Variants in ASGR2 observed in about 807,000 individuals in gnomAD.
ASGR2 encodes C-type lectin domain family 4 member H2.
ASGR2 carries 34 observed loss-of-function variants against 32.3 expected under a neutral mutation model. That is an observed-to-expected ratio of 1.05 (90% CI 0.80 to 1.40). The LOEUF (loss-of-function observed/expected upper bound fraction) is 1.40. ASGR2 is among the 40% of genes most tolerant of loss of function. The pLI is 0.00. For missense variants in ASGR2, 385 were observed against 386.4 expected, an observed-to-expected ratio of 1.00 and a Z score of 0.03; for synonymous variants, 143 against 150.0, an observed-to-expected ratio of 0.95 and a Z score of 0.34.
intron 2 of ASGR2, 131 bp from the exon 3 acceptor site, chr17:7,109,019 T>C: frequency 2.3e-6 from 2 of 860,892 alleles, no homozygotes; most frequent in Non-Finnish European, 3.6e-6. Context: ...GGGGTCATCA[T>C]AGGCTTTGAC....
intron 8 of ASGR2, 97 bp downstream of exon 8, chr17:7,101,993 T>C: frequency 1.6e-6 from 2 of 1,277,390 alleles, no homozygotes; most frequent in South Asian, 1.3e-5. Context: ...TTGGGGAATT[T>C]GGTCCCTGAG....
Position 7,107,962 on chromosome 17 carries a change from G to A in ASGR2, c.338-55C>T. 1 of 1,602,782 alleles carries A rather than the reference G, an allele frequency of 6.2e-7. No homozygotes were observed. Among genetic ancestry groups the A allele is most frequent in the Non-Finnish European group, 8.5e-7 (1 of 1,173,412 alleles). On this transcript the variant is annotated intron_variant, in intron 4 of 8. Coordinates refer to ENST00000691900, the MANE Select transcript of ASGR2 (RefSeq NM_001201352.2). The surrounding 1 kb of genome is among the most constrained non-coding windows in gnomAD (Gnocchi z 5.0). The stretch of plus-strand genomic sequence containing the variant: ...CTGAGCCTCCCTCCGTCCTCATGCT[G>A]CTGGGGGACCGGGGGCCAGCGCCTC...
At chr17:7,111,376 G>C (rs1914591992) in intron 2 of ASGR2, among the ~76,000 whole-genome samples, 1 of 152,204 alleles carries the variant, frequency 6.6e-6, no homozygotes, top group Non-Finnish European at 1.5e-5. Flanking sequence ...AAACACACTG[G>C]CCAGGCGCCG....
intron 7 of ASGR2, among the ~76,000 whole-genome samples, chr17:7,102,886 C>T (rs1913061353): frequency 6.6e-6 from 1 of 152,204 alleles, no homozygotes; most frequent in African/African-American, 2.4e-5. Flanking sequence ...TGTGAGGAAG[C>T]AGCCCGGACA....
rs536249977 is a variant in ASGR2, at chr17:7,114,740, G to A, written c.-196C>T. On this transcript the variant is annotated 5_prime_UTR_variant, in exon 1 of 9. Transcript: ENST00000691900. The surrounding 1 kb of genome is among the most constrained non-coding windows in gnomAD (Gnocchi z 4.5). The stretch of plus-strand genomic sequence containing the variant: ...CAGGGGAGAGGAGAGTGGAGGAGGG[G>A]CTGGTCCGGGCAAGGCCTGCACTGG... 6.9e-5 allele frequency: 69 copies of A among 1,002,164 alleles called. No individual in the cohort carries two copies. In the Admixed American group the frequency reaches 9.4e-4, roughly 14 times the overall value. 62.1% of individuals were successfully genotyped at this position (1,002,164 alleles called of 1,614,324 possible). A position where few individuals can be genotyped will look rare whatever the true frequency, so the allele number is the denominator to read the frequency against.
Position 7,107,085 on chromosome 17 carries a change from TGAGAGAACCAGTAGCAGCTGCCTTG to T in ASGR2, c.538_562del (p.Gln180ThrfsTer43). 2 of 1,613,508 alleles carry T rather than the reference TGAGAGAACCAGTAGCAGCTGCCTTG, an allele frequency of 1.2e-6. No homozygotes were observed. The highest frequency in any genetic ancestry group is 1.7e-6 in the Non-Finnish European group (2 of 1,179,870). On this transcript the variant is annotated frameshift_variant, in exon 7 of 9. Coordinates refer to ENST00000691900, the MANE Select transcript of ASGR2 (RefSeq NM_001201352.2). LOFTEE classifies it high-confidence loss of function. This position sits in a 1 kb window ranked among gnomAD's most constrained non-coding sequence, Gnocchi z 5.0. ...CGCCTCAGCCCAGGCCTTCCCGGAG[TGAGAGAACCAGTAGCAGCTGCCTTG>T]GTGCTCCACCCAGTTGACGGGGCAG...
At chr17:7,110,796 C>T (rs1038590524) in intron 2 of ASGR2, among the ~76,000 whole-genome samples, 3 of 152,206 alleles carry the variant, frequency 2.0e-5, no homozygotes, top group African/African-American at 7.2e-5. Context: ...AACATGGCAG[C>T]TTTCAAGACT....
At chr17:7,102,852 G>T (rs1257485646) in intron 7 of ASGR2, among the ~76,000 whole-genome samples, 2 of 152,160 alleles carry the variant, frequency 1.3e-5, no homozygotes, top group African/African-American at 4.8e-5. Context: ...CTGACAATCG[G>T]GGCAAAATAG....
rs555112376 is a variant in ASGR2 at position 7,108,499 on chromosome 17, C to T, written c.300G>A (p.Ser100=). 1.7e-4 allele frequency: 280 copies of T among 1,609,128 alleles called. 2 individuals are homozygous for T. In the South Asian group the frequency reaches 2.7e-3, roughly 16 times the overall value. The change falls in exon 4 of 9, where the codon TCG becomes TCA. Residue 100 remains serine (S), a synonymous_variant. Transcript: ENST00000691900. This position sits in a 1 kb window ranked among gnomAD's most constrained non-coding sequence, Gnocchi z 4.9. ...SLKEAFSNFS[S]STLTEVQAIS... Reference sequence around the variant, plus strand: ...TTGCCTGGACCTCCGTCAGGGTGCTCGAGGAGAAGTTGCTGAAAGCTTCCT... The same window carrying T: ...TTGCCTGGACCTCCGTCAGGGTGCTTGAGGAGAAGTTGCTGAAAGCTTCCT...
At chr17:7,106,152 G>A (rs1243026262) in intron 7 of ASGR2, among the ~76,000 whole-genome samples, 1 of 152,104 alleles carries the variant, frequency 6.6e-6, no homozygotes, top group Non-Finnish European at 1.5e-5. Context: ...TGAAGAGATT[G>A]CAATGTACAG....
intron 2 of ASGR2, among the ~76,000 whole-genome samples, chr17:7,111,626 G>A (rs546938384): frequency 1.7e-4 from 25 of 150,570 alleles, no homozygotes; most frequent in South Asian, 6.3e-4. Flanking sequence ...ACTGCACTCC[G>A]GCCTGGGCAA....
At position 7,107,446 on chromosome 17, in the gene ASGR2, C is replaced by CCA. The variant is rs920307492; in HGVS notation, c.410-131_410-130dup. 3 of 876,256 alleles carry CCA rather than the reference C, an allele frequency of 3.4e-6. No homozygotes were observed. Among genetic ancestry groups the CCA allele is most frequent in the African/African-American group, 1.7e-5 (1 of 60,406 alleles). The allele number at this position is 876,256 out of a possible 1,614,324, so 54.3% of individuals were successfully genotyped here. The stretch of plus-strand genomic sequence containing the variant: ...TGCATAGACCACACCACACACCATA[C>CCA]CACACACACACCACAGACATGTACA... On this transcript the variant is annotated intron_variant, in intron 5 of 8. Transcript: ENST00000691900. This position sits in a 1 kb window ranked among gnomAD's most constrained non-coding sequence, Gnocchi z 5.0.
intron 7 of ASGR2, among the ~76,000 whole-genome samples, chr17:7,103,877 C>T (rs1913202706): frequency 6.6e-6 from 1 of 152,018 alleles, no homozygotes; most frequent in African/African-American, 2.4e-5. Context: ...GTGTGCTGCA[C>T]CCATTAACTC....
chr17:7,103,769 G>A (rs1234521740), intron 7 of ASGR2, among the ~76,000 whole-genome samples: 1 of 152,122 alleles, frequency 6.6e-6, no homozygotes, highest in African/African-American at 2.4e-5. Context: ...AGGGGATGTT[G>A]GAGAACAGTT....
Position 7,113,612 on chromosome 17 carries a change from TACAC to T in ASGR2, c.124+501_124+504del, listed in dbSNP as rs952085637. 2.1e-4 allele frequency among the ~76,000 whole-genome samples: 31 copies of T among 146,646 alleles called. No homozygotes were observed. Among genetic ancestry groups the T allele is most frequent in the African/African-American group, 6.1e-4 (24 of 39,190 alleles). On this transcript the variant is annotated intron_variant, in intron 2 of 8. Transcript: ENST00000691900. This position sits in a 1 kb window ranked among gnomAD's most constrained non-coding sequence, Gnocchi z 5.1. The stretch of plus-strand genomic sequence containing the variant: ...ATACACAACATACACTCGCACAACA[TACAC>T]ACATGCACAAGATACACACACAACA...
At chr17:7,112,317 A>G (rs1385622609) in intron 2 of ASGR2, among the ~76,000 whole-genome samples, 2 of 151,840 alleles carry the variant, frequency 1.3e-5, no homozygotes, top group Non-Finnish European at 2.9e-5. Flanking sequence ...GTCAGCTCCC[A>G]TGATGACGTT....
chr17:7,101,646 C>A lies in ASGR2; in HGVS notation c.850G>T (p.Asp284Tyr), dbSNP rs747959273. ...CGGTACACCTGCAGGCAGAAGTCAT[C>A]GTTCCAGCGGCCATCCGGCTGGACT... ...VEVQPDGRWN[D>Y]DFCLQVYRWV... Residue 284 changes from aspartate (D) to tyrosine (Y), a missense_variant, in exon 9 of 9, where the codon GAT (aspartate) becomes TAT (tyrosine). Transcript: ENST00000691900. 6.2e-7 allele frequency: 1 copy of A among 1,614,112 alleles called. No individual in the cohort carries two copies. The highest frequency in any genetic ancestry group is 1.3e-5 in the African/African-American group (1 of 74,936).
chr17:7,111,836 G>A (rs1407052137), intron 2 of ASGR2, among the ~76,000 whole-genome samples: 1 of 149,614 alleles, frequency 6.7e-6, no homozygotes, highest in Middle Eastern at 3.2e-3. Context: ...ACTAGTCTGG[G>A]CAGCATGGCA....
rs766808851 is a variant in ASGR2 at position 7,113,327 on chromosome 17, AACAC to A, written c.124+786_124+789del. Among the ~76,000 whole-genome samples the A allele has an allele frequency of 1.1e-4, 15 of 141,672 alleles. No homozygotes were observed. Among genetic ancestry groups the A allele is most frequent in the South Asian group, 5.0e-4 (2 of 4,000 alleles). 92.9% of individuals were successfully genotyped at this position (141,672 alleles called of 152,430 possible). ...ACACATACAATCACATACACACACT[AACAC>A]ACACACTCACGCAACACACTCACAC... is the stretch of plus-strand genomic sequence containing the variant. On this transcript the variant is annotated intron_variant, in intron 2 of 8. Transcript: ENST00000691900. This position sits in a 1 kb window ranked among gnomAD's most constrained non-coding sequence, Gnocchi z 5.1.
Sources: gnomAD v4.1 joint callset for allele counts (sites outside exome capture counted in the v4.1 genomes callset) on GRCh38, gnomAD v4.1.1 for gene constraint, Gnocchi (gnomAD v3.1) non-coding constraint, MANE v1.5 for transcripts, NCBI Gene and HGNC (gene_info 2026-07-23, HGNC 2026-07-21) for gene names.